Variants in KLRG1 observed in about 807,000 individuals in gnomAD.
KLRG1 encodes killer cell lectin-like receptor subfamily G member 1.
In KLRG1, 16 loss-of-function variants were observed where a neutral mutation model predicts 21.8. The ratio of observed to expected loss-of-function variants is 0.73; its 90% CI spans 0.50 to 1.11. KLRG1 has a LOEUF of 1.11. Among genes scored for constraint, KLRG1 ranks in the 50% most tolerant of loss-of-function variants. The pLI is 0.00. For synonymous variants in KLRG1, 69 were observed against 75.9 expected (o/e 0.91, Z 0.47); for missense variants, 173 against 218.3 (o/e 0.79, Z 1.31).
chr12:9,091,813 G>A, the KLRG1 span, among the ~76,000 whole-genome samples: 1 of 152,144 alleles, frequency 6.6e-6, no homozygotes, highest in Admixed American at 6.5e-5. Flanking sequence ...TAACCAGTGA[G>A]GGATCTCTTA....
At chr12:9,167,188 G>T in the KLRG1 span, 1 of 152,116 alleles carries the variant, frequency 6.6e-6, no homozygotes, top group Non-Finnish European at 1.5e-5. Flanking sequence ...AAAGGATGAT[G>T]CACCTAAATG....
chr12:9,111,794 A>C, the KLRG1 span, among the ~76,000 whole-genome samples: 1 of 152,196 alleles, frequency 6.6e-6, no homozygotes, highest in African/African-American at 2.4e-5. Context: ...TTTATAGTGA[A>C]GATTTTGGTA....
the KLRG1 span, chr12:9,101,803 G>A: frequency 1.3e-6 from 1 of 747,058 alleles, no homozygotes; most frequent in Non-Finnish European, 2.1e-6. Context: ...ACAATGAAAA[G>A]TGGGAGAAGG....
the KLRG1 span, chr12:9,202,256 C>T: frequency 2.2e-6 from 3 of 1,391,780 alleles, no homozygotes; most frequent in Non-Finnish European, 3.1e-6. Flanking sequence ...TACCTTTCTA[C>T]CTCACTCTGG....
the KLRG1 span, among the ~76,000 whole-genome samples, chr12:9,133,868 T>A: frequency 6.6e-6 from 1 of 151,874 alleles, no homozygotes; most frequent in Non-Finnish European, 1.5e-5. Flanking sequence ...AAATGTAGAG[T>A]GCAAAGAACA....
chr12:9,157,433 C>A, the KLRG1 span: 1 of 1,343,524 alleles, frequency 7.4e-7, no homozygotes, highest in South Asian at 1.3e-5. Context: ...TATTGACAGT[C>A]AGATGTTATT....
the KLRG1 span, chr12:9,196,682 T>TA: frequency 1.3e-6 from 2 of 1,599,620 alleles, no homozygotes; most frequent in Non-Finnish European, 1.7e-6. Flanking sequence ...CCATTGCTGT[T>TA]AAGCTGAGAA....
At chr12:9,069,797 TG>T in the KLRG1 span, 1 of 1,613,462 alleles carries the variant, frequency 6.2e-7, no homozygotes, top group Non-Finnish European at 8.5e-7. Context: ...CCGGCTCACA[TG>T]GTTAGATCTT....
the KLRG1 span, among the ~76,000 whole-genome samples, chr12:9,101,850 T>A: frequency 6.6e-6 from 1 of 152,308 alleles, no homozygotes; most frequent in South Asian, 2.1e-4. Flanking sequence ...AATGTAGGCA[T>A]GCTTTGTGAC....
At chr12:9,201,990 GT>G in the KLRG1 span, among the ~76,000 whole-genome samples, 1 of 152,030 alleles carries the variant, frequency 6.6e-6, no homozygotes, top group Non-Finnish European at 1.5e-5. Context: ...ATAATTCTGT[GT>G]TGCTTTTTTA....
At chr12:9,118,569 A>G in the KLRG1 span, among the ~76,000 whole-genome samples, 1 of 152,226 alleles carries the variant, frequency 6.6e-6, no homozygotes, top group Non-Finnish European at 1.5e-5. Flanking sequence ...TATGTGACAG[A>G]GAAATGCATT....
the KLRG1 span, chr12:9,074,789 A>G: frequency 6.2e-7 from 1 of 1,602,036 alleles, no homozygotes; most frequent in Admixed American, 1.7e-5. Flanking sequence ...GTTGTCTTAA[A>G]GATGAGAAAA....
At chr12:9,052,524 AT>A in the KLRG1 span, among the ~76,000 whole-genome samples, 1 of 151,984 alleles carries the variant, frequency 6.6e-6, no homozygotes, top group Non-Finnish European at 1.5e-5. Context: ...TCTTTGCCCC[AT>A]TTTTCTTTTT....
At chr12:9,166,861 A>G in the KLRG1 span, 2 of 152,244 alleles carry the variant, frequency 1.3e-5, no homozygotes, top group Admixed American at 6.5e-5. Context: ...AGAGCTAGAC[A>G]TGAAAGCAAT....
At chr12:9,195,994 C>T in the KLRG1 span, among the ~76,000 whole-genome samples, 4 of 151,954 alleles carry the variant, frequency 2.6e-5, no homozygotes, top group Non-Finnish European at 5.9e-5. Flanking sequence ...ATGTTACAAA[C>T]TCTGAAAATT....
the KLRG1 span, among the ~76,000 whole-genome samples, chr12:9,025,568 T>C: frequency 6.6e-6 from 1 of 151,858 alleles, no homozygotes; most frequent in East Asian, 1.9e-4. Flanking sequence ...ACCCAGGAGG[T>C]GGAGTTTGCA....
At chr12:9,113,233 G>C in the KLRG1 span, 3 of 920,364 alleles carry the variant, frequency 3.3e-6, no homozygotes, top group African/African-American at 3.4e-5. Context: ...TCTATACTTA[G>C]TTTGCTACAT....
the KLRG1 span, among the ~76,000 whole-genome samples, chr12:9,030,819 TTAG>T: frequency 3.9e-5 from 6 of 152,228 alleles, no homozygotes; most frequent in Non-Finnish European, 8.8e-5. Flanking sequence ...TCCTTGCAAC[TTAG>T]TAGCCTCATT....
chr12:9,154,661 C>CTCTG, the KLRG1 span: 4 of 1,614,050 alleles, frequency 2.5e-6, no homozygotes, highest in African/African-American at 5.3e-5. Flanking sequence ...GCTTCATGAT[C>CTCTG]CACTTCACAA....
Sources: allele counts gnomAD v4.1 joint callset (sites outside exome capture counted in the v4.1 genomes callset), GRCh38; gene constraint gnomAD v4.1.1; transcripts MANE v1.5; gene names NCBI Gene and HGNC (gene_info 2026-07-23, HGNC 2026-07-21).